The following EEFSEC variants were observed in gnomAD, a reference collection of about 807,000 sequenced individuals.
EEFSEC encodes selenocysteine-specific elongation factor.
A neutral mutation model predicts 42.1 loss-of-function variants in EEFSEC; 43 were observed. The observed-to-expected ratio is 1.02, with a 90% CI of 0.80 to 1.32. The LOEUF (loss-of-function observed/expected upper bound fraction) is 1.32. Among genes scored for constraint, EEFSEC ranks in the 40% most tolerant of loss-of-function variants. The pLI is 0.00. For missense variants in EEFSEC, 745 were observed against 803.6 expected, an observed-to-expected ratio of 0.93 and a Z score of 0.88; for synonymous variants, 354 against 339.1, an observed-to-expected ratio of 1.04 and a Z score of -0.48.
intron 4 of EEFSEC, among the ~76,000 whole-genome samples, chr3:128,339,796 T>C (rs559802535): frequency 5.3e-5 from 8 of 152,142 alleles, no homozygotes; most frequent in Non-Finnish European, 1.2e-4. Flanking sequence ...TTTAATGGAC[T>C]CACAGTTCTG....
intron 6 of EEFSEC, among the ~76,000 whole-genome samples, chr3:128,363,505 G>T (rs140698289): frequency 0.01 from 1,588 of 152,292 alleles, 19 homozygotes; most frequent in African/African-American, 0.036. Flanking sequence ...TGGTCATTCA[G>T]CTCAGTGGGC....
intron 4 of EEFSEC, among the ~76,000 whole-genome samples, chr3:128,321,207 G>C (rs1334643563): frequency 6.6e-6 from 1 of 152,160 alleles, no homozygotes; most frequent in Non-Finnish European, 1.5e-5. Flanking sequence ...AGAGTGCTGT[G>C]CTCCCGGGAT....
At chr3:128,185,000 A>C (rs2107795572) in intron 1 of EEFSEC, among the ~76,000 whole-genome samples, 1 of 152,182 alleles carries the variant, frequency 6.6e-6, no homozygotes, top group Non-Finnish European at 1.5e-5. Flanking sequence ...GTGTCACTGC[A>C]CTCCAGCTTG....
At chr3:128,248,657 G>T (rs1251749507) in intron 2 of EEFSEC, among the ~76,000 whole-genome samples, 1 of 152,098 alleles carries the variant, frequency 6.6e-6, no homozygotes, top group African/African-American at 2.4e-5. Context: ...AGAAAAGGAA[G>T]AACAGGTCTT....
intron 1 of EEFSEC, among the ~76,000 whole-genome samples, chr3:128,181,460 C>G (rs562760819): frequency 6.6e-6 from 1 of 152,322 alleles, no homozygotes; most frequent in Non-Finnish European, 1.5e-5. Context: ...CCTCTTTTCT[C>G]AAGGGATACT....
intron 4 of EEFSEC, among the ~76,000 whole-genome samples, chr3:128,292,139 T>C (rs963482253): frequency 2.0e-5 from 3 of 152,168 alleles, no homozygotes; most frequent in African/African-American, 7.2e-5. Flanking sequence ...TTTTTGAATG[T>C]CAGACCCACT....
chr3:128,388,416 C>T (rs926270855), intron 6 of EEFSEC, among the ~76,000 whole-genome samples: 2 of 152,228 alleles, frequency 1.3e-5, no homozygotes, highest in African/African-American at 4.8e-5. Flanking sequence ...GAACAGGGAA[C>T]AATCTGCCTG....
chr3:128,273,195 C>T (rs1304972341), intron 4 of EEFSEC, among the ~76,000 whole-genome samples: 1 of 152,204 alleles, frequency 6.6e-6, no homozygotes, highest in African/African-American at 2.4e-5. Context: ...GCATTTCCTG[C>T]CTGCACCCAG....
At chr3:128,341,995 T>C in intron 5 of EEFSEC, 106 bp downstream of exon 5, 1 of 1,419,728 alleles carries the variant, frequency 7.0e-7, no homozygotes, top group Non-Finnish European at 9.4e-7. Flanking sequence ...CTCAGAGACC[T>C]TCTGGTGCCA....
chr3:128,187,121 G>A (rs959350008), intron 1 of EEFSEC, among the ~76,000 whole-genome samples: 1 of 152,200 alleles, frequency 6.6e-6, no homozygotes, highest in Admixed American at 6.5e-5. Flanking sequence ...GGAAGGTGTA[G>A]CTACCCAGCA....
chr3:128,298,195 T>C (rs2066729744), intron 4 of EEFSEC, among the ~76,000 whole-genome samples: 1 of 152,248 alleles, frequency 6.6e-6, no homozygotes, highest in South Asian at 2.1e-4. Flanking sequence ...ACAGGGTCTC[T>C]GTCACTCATG....
Position 128,408,471 on chromosome 3 carries a change from C to T in EEFSEC, c.*212C>T, listed in dbSNP as rs2068149102. On this transcript the variant is annotated 3_prime_UTR_variant, in exon 7 of 7. Transcript: ENST00000254730. ...GGGTCTCTCCTCCAGCCCCTGCACACTCCCACCCAGGACAGCCCCCAGCCC... is the reference window on the plus strand; with the variant it reads ...GGGTCTCTCCTCCAGCCCCTGCACATTCCCACCCAGGACAGCCCCCAGCCC... The T allele has an allele frequency of 4.3e-6, 2 of 469,840 alleles. No individual in the cohort carries two copies. The highest frequency in any genetic ancestry group is 9.2e-5 in the South Asian group (2 of 21,690). The allele number at this position is 469,840 out of a possible 1,614,324, so 29.1% of individuals were successfully genotyped here.
chr3:128,179,616 A>G (rs2065384579), intron 1 of EEFSEC, among the ~76,000 whole-genome samples: 1 of 152,256 alleles, frequency 6.6e-6, no homozygotes, highest in Non-Finnish European at 1.5e-5. Flanking sequence ...CTCAGACTTT[A>G]GTCAGCTCTC....
chr3:128,394,617 A>C (rs2067958444), intron 6 of EEFSEC, among the ~76,000 whole-genome samples: 1 of 152,096 alleles, frequency 6.6e-6, no homozygotes, highest in African/African-American at 2.4e-5. Context: ...GAGTATACAC[A>C]TTTAGGGAGT....
At chr3:128,319,051 G>A (rs1311927927) in intron 4 of EEFSEC, among the ~76,000 whole-genome samples, 1 of 152,144 alleles carries the variant, frequency 6.6e-6, no homozygotes. Context: ...TTGGCTCCTC[G>A]GGAATTCTTC....
At chr3:128,292,498 A>T (rs1287726922) in intron 4 of EEFSEC, among the ~76,000 whole-genome samples, 6 of 151,586 alleles carry the variant, frequency 4.0e-5, no homozygotes, top group Admixed American at 2.6e-4. Context: ...TATATATATG[A>T]TGTATATTAT....
chr3:128,355,648 C>A (rs891636893), intron 5 of EEFSEC, among the ~76,000 whole-genome samples: 1 of 149,876 alleles, frequency 6.7e-6, no homozygotes, highest in Non-Finnish European at 1.5e-5. Flanking sequence ...CATGAGTGAG[C>A]CTTGCAAATG....
intron 6 of EEFSEC, among the ~76,000 whole-genome samples, chr3:128,386,827 A>G (rs993904055): frequency 6.6e-6 from 1 of 152,174 alleles, no homozygotes; most frequent in Non-Finnish European, 1.5e-5. Context: ...GAACTCACTC[A>G]TCACTGTGGT....
chr3:128,344,734 C>G (rs1185371322), intron 5 of EEFSEC, among the ~76,000 whole-genome samples: 2 of 152,230 alleles, frequency 1.3e-5, no homozygotes, highest in South Asian at 2.1e-4. Context: ...AGAGTAGGCT[C>G]AAGCCCTTGC....
Sources: allele counts gnomAD v4.1 joint callset (sites outside exome capture counted in the v4.1 genomes callset), GRCh38; gene constraint gnomAD v4.1.1; transcripts MANE v1.5; gene names NCBI Gene and HGNC (gene_info 2026-07-23, HGNC 2026-07-21).